Variants in ITPRID1 observed in about 807,000 individuals in gnomAD.
ITPRID1 encodes ITPR interacting domain containing 1.
Under a neutral mutation model 95.4 loss-of-function variants are expected in ITPRID1, and 96 were observed. The observed-to-expected ratio is 1.01, with a 90% CI of 0.85 to 1.19. The LOEUF is 1.19. Among genes scored for constraint, ITPRID1 ranks in the 50% most tolerant of loss-of-function variants. The pLI is 0.00. For missense variants in ITPRID1, 1,339 were observed against 1,252.9 expected (o/e 1.07, Z -1.04); for synonymous variants, 510 against 453.6 (o/e 1.12, Z -1.58).
chr7:31,598,673 G>C (rs200758805), intron 10 of ITPRID1, among the ~76,000 whole-genome samples: 1 of 152,108 alleles, frequency 6.6e-6, no homozygotes, highest in East Asian at 1.9e-4. Flanking sequence ...AAAGTGCTGG[G>C]ATTACAGGCG....
intron 10 of ITPRID1, among the ~76,000 whole-genome samples, chr7:31,591,798 A>AT (rs1481397630): frequency 6.6e-6 from 1 of 152,160 alleles, no homozygotes; most frequent in East Asian, 1.9e-4. Flanking sequence ...CCACTATTTG[A>AT]TTTTTTAATG....
intron 1 of ITPRID1, among the ~76,000 whole-genome samples, chr7:31,521,328 C>T (rs1220392946): frequency 1.3e-5 from 2 of 152,080 alleles, no homozygotes; most frequent in Non-Finnish European, 2.9e-5. Context: ...TTCTTAAACA[C>T]ATGTTATTTA....
intron 12 of ITPRID1, 24 bp downstream of exon 12, chr7:31,643,977 T>C (rs1345153047): frequency 1.3e-6 from 2 of 1,574,944 alleles, no homozygotes; most frequent in Non-Finnish European, 1.7e-6. Flanking sequence ...CTGGCAAAGA[T>C]GGAAAGGCAG....
chr7:31,574,486 A>G, intron 7 of ITPRID1, 54 bp from the exon 8 acceptor site: 1 of 1,532,384 alleles, frequency 6.5e-7, no homozygotes, highest in Non-Finnish European at 9.0e-7. Flanking sequence ...ACCAGAAAAA[A>G]ATGGTGTTGG....
intron 9 of ITPRID1, among the ~76,000 whole-genome samples, chr7:31,580,131 C>T (rs1201118469): frequency 6.6e-6 from 1 of 151,830 alleles, no homozygotes; most frequent in African/African-American, 2.4e-5. Context: ...AACCCTGTCT[C>T]TACCAAAAAT....
At chr7:31,537,366 C>T (rs1275533967) in intron 1 of ITPRID1, among the ~76,000 whole-genome samples, 1 of 152,048 alleles carries the variant, frequency 6.6e-6, no homozygotes, top group African/African-American at 2.4e-5. Flanking sequence ...GAGTTTTTCT[C>T]CTCCTTTTAC....
chr7:31,625,843 T>G (rs1788418972), intron 10 of ITPRID1, among the ~76,000 whole-genome samples: 1 of 152,152 alleles, frequency 6.6e-6, no homozygotes, highest in South Asian at 2.1e-4. Context: ...TTTTTCTTTA[T>G]AAAGCTATTT....
intron 1 of ITPRID1, among the ~76,000 whole-genome samples, chr7:31,536,335 T>A (rs993389708): frequency 1.3e-5 from 2 of 152,164 alleles, no homozygotes; most frequent in Non-Finnish European, 2.9e-5. Flanking sequence ...TTTCCAACAT[T>A]TTTCAATTTC....
At position 31,625,360 on chromosome 7, in the gene ITPRID1, T is replaced by C. The variant is rs539688694; in HGVS notation, c.1229-16816T>C. ...CGGCACTATTCACAATAGCAAAGAC[T>C]TGGAACCAACCCAAATGTCCAACAA... On this transcript the variant is annotated intron_variant, in intron 10 of 14. Coordinates refer to ENST00000615280, the MANE Select transcript of ITPRID1 (RefSeq NM_001257967.3). Among the ~76,000 whole-genome samples the C allele has an allele frequency of 1.4e-3, 220 of 151,992 alleles. 1 individual carries two copies. In the Middle Eastern group the frequency reaches 0.024, roughly 16 times the overall value.
At chr7:31,519,620 C>CTCTCTCTCCATATATATATA in intron 1 of ITPRID1, among the ~76,000 whole-genome samples, 2 of 25,252 alleles carry the variant, frequency 7.9e-5, no homozygotes, top group South Asian at 2.0e-3. Flanking sequence ...CTCTCTCTCT[C>CTCTCTCTCCATATATATATA]TATATATATA....
At chr7:31,546,412 T>G (rs901910769) in intron 1 of ITPRID1, among the ~76,000 whole-genome samples, 1 of 152,046 alleles carries the variant, frequency 6.6e-6, no homozygotes, top group African/African-American at 2.4e-5. Context: ...TGTGTGTGTG[T>G]GTGTGCGTGC....
In ITPRID1 at chr7:31,643,476, T is replaced by C; in HGVS notation, c.2106T>C (p.Thr702=). ...EAEMENLPLN[T]GSSRSVMTQM... Reference sequence around the variant, plus strand: ...AGATGGAAAACCTTCCTCTAAATACTGGCAGCTCCAGGTCTGTAATGACCC... The same window carrying C: ...AGATGGAAAACCTTCCTCTAAATACCGGCAGCTCCAGGTCTGTAATGACCC... Residue 702 remains threonine, a synonymous_variant, in exon 12 of 15, where the codon ACT becomes ACC. Coordinates refer to ENST00000615280, the MANE Select transcript of ITPRID1 (RefSeq NM_001257967.3). The C allele has an allele frequency of 6.2e-7, 1 of 1,613,990 alleles. No individual in the cohort carries two copies. Among genetic ancestry groups the C allele is most frequent in the Non-Finnish European group, 8.5e-7 (1 of 1,179,894 alleles).
intron 7 of ITPRID1, among the ~76,000 whole-genome samples, chr7:31,572,803 A>G (rs889866288): frequency 3.3e-5 from 5 of 152,206 alleles, no homozygotes; most frequent in Non-Finnish European, 7.4e-5. Flanking sequence ...TTAATGACCA[A>G]TCAATACTTA....
At chr7:31,591,124 G>A (rs1455523267) in intron 10 of ITPRID1, among the ~76,000 whole-genome samples, 1 of 152,182 alleles carries the variant, frequency 6.6e-6, no homozygotes, top group Non-Finnish European at 1.5e-5. Flanking sequence ...GAACTCTAGT[G>A]AGCAAGACAG....
chr7:31,537,271 A>C (rs1179215299), intron 1 of ITPRID1, among the ~76,000 whole-genome samples: 1 of 152,058 alleles, frequency 6.6e-6, no homozygotes, highest in African/African-American at 2.4e-5. Context: ...TTCACCTGAG[A>C]CCCATAGGGG....
At chr7:31,633,940 G>C (rs1789242673) in intron 10 of ITPRID1, among the ~76,000 whole-genome samples, 1 of 152,088 alleles carries the variant, frequency 6.6e-6, no homozygotes, top group African/African-American at 2.4e-5. Context: ...TGTGAACTCA[G>C]ACTATTTTAA....
At chr7:31,520,557 G>T (rs1783214425) in intron 1 of ITPRID1, among the ~76,000 whole-genome samples, 1 of 86,040 alleles carries the variant, frequency 1.2e-5, no homozygotes, top group Admixed American at 1.1e-4. Flanking sequence ...GTGTGTGTGT[G>T]TGTGTGTGAG....
intron 10 of ITPRID1, among the ~76,000 whole-genome samples, chr7:31,583,441 C>A (rs1785478609): frequency 1.3e-5 from 2 of 152,044 alleles, no homozygotes; most frequent in Admixed American, 6.6e-5. Context: ...GCCTGGCCAA[C>A]CTGGCAAAAC....
intron 10 of ITPRID1, among the ~76,000 whole-genome samples, chr7:31,620,290 C>T (rs545284022): frequency 2.7e-4 from 41 of 151,780 alleles, no homozygotes; most frequent in African/African-American, 8.4e-4. Flanking sequence ...GATCTGAGAA[C>T]GGGCAGACTG....
Sources: gnomAD v4.1 joint callset for allele counts (sites outside exome capture counted in the v4.1 genomes callset) on GRCh38, gnomAD v4.1.1 for gene constraint, MANE v1.5 for transcripts, NCBI Gene and HGNC (gene_info 2026-07-23, HGNC 2026-07-21) for gene names.